Variants in VPS51 observed in about 807,000 individuals in gnomAD.
VPS51 encodes the protein vacuolar protein sorting-associated protein 51 homolog.
Under a neutral mutation model 65.1 loss-of-function variants are expected in VPS51, and 55 were observed. The observed-to-expected ratio is 0.84, with a 90% CI of 0.68 to 1.06. The LOEUF is 1.06. Ranked by LOEUF, VPS51 falls within the 50% of genes least tolerant of loss-of-function variation. The pLI, the probability that VPS51 is intolerant of heterozygous loss-of-function variation, is 0.00. For missense variants in VPS51, 943 were observed against 1,101.6 expected, an observed-to-expected ratio of 0.86 and a Z score of 2.04; for synonymous variants, 473 against 489.5, an observed-to-expected ratio of 0.97 and a Z score of 0.44.
chr11:65,096,893 G>T, intron 1 of VPS51, 105 bp from the exon 2 acceptor site: 1 of 1,499,570 alleles, frequency 6.7e-7, no homozygotes, highest in South Asian at 1.3e-5. Flanking sequence ...TTTGCGGGGT[G>T]GGTGGGGATC....
intron 6 of VPS51, 96 bp downstream of exon 6, chr11:65,109,591 T>C: frequency 6.5e-7 from 1 of 1,531,674 alleles, no homozygotes; most frequent in Non-Finnish European, 8.8e-7. Context: ...ACCAGCTGCC[T>C]GTGTGTACCC....
At chr11:65,099,218 AAG>A (rs919761905) in intron 2 of VPS51, among the ~76,000 whole-genome samples, 2 of 152,194 alleles carry the variant, frequency 1.3e-5, no homozygotes, top group Non-Finnish European at 2.9e-5. Flanking sequence ...TTGATTGGGC[AAG>A]AGAGAGAGAA....
At chr11:65,108,094 C>G in intron 4 of VPS51, 72 bp downstream of exon 4, 11 of 1,507,180 alleles carry the variant, frequency 7.3e-6, no homozygotes, top group Non-Finnish European at 9.7e-6. Flanking sequence ...CTCCTGGGCC[C>G]TCCTGGAGCT....
intron 2 of VPS51, among the ~76,000 whole-genome samples, chr11:65,106,002 G>T (rs1253125224): frequency 1.3e-5 from 2 of 152,250 alleles, no homozygotes; most frequent in Non-Finnish European, 2.9e-5. Context: ...CTGCACTCCA[G>T]CCTGGGTGAC....
At chr11:65,106,442 G>A (rs1439796314) in intron 2 of VPS51, among the ~76,000 whole-genome samples, 2 of 152,204 alleles carry the variant, frequency 1.3e-5, no homozygotes, top group Non-Finnish European at 2.9e-5. Context: ...GCGAAGCAGG[G>A]AGAGCCCCTT....
intron 1 of VPS51, 29 bp downstream of exon 1, chr11:65,096,507 C>CCGGGGGTGGGGGGGGGGGGG: frequency 2.8e-6 from 1 of 362,222 alleles, no homozygotes. Context: ...TGGGGGGGTG[C>CCGGGGGTGGGGGGGGGGGGG]GGGGAGGGGG....
chr11:65,096,608 G>C, intron 1 of VPS51, 130 bp downstream of exon 1: 1 of 836,046 alleles, frequency 1.2e-6, no homozygotes, highest in Non-Finnish European at 1.8e-6. Flanking sequence ...ATAAGAGGAC[G>C]AACCTCGGCC....
rs768672817 is a variant in VPS51 at position 65,109,941 on chromosome 11, C to T, written c.1878+18C>T. 159 of 1,573,472 alleles carry T rather than the reference C, an allele frequency of 1.0e-4. No homozygotes were observed. Among genetic ancestry groups the T allele is most frequent in the Non-Finnish European group, 1.3e-4 (149 of 1,163,778 alleles). ...ACGTGCAGGTGCTGCCCAGGCTGGC[C>T]GGGGTAGCCCTGACGCAGGCTGGGG... On this transcript the variant is annotated intron_variant, in intron 7 of 9. Transcript: ENST00000279281.
At position 65,111,095 on chromosome 11, in the gene VPS51, C is replaced by T. The variant is rs1590814686; in HGVS notation, c.2089-232C>T. 2.0e-5 allele frequency: 15 copies of T among 755,402 alleles called. No homozygotes were observed. The South Asian group carries it at 2.1e-4, about 10-fold the overall frequency. 46.8% of individuals were successfully genotyped at this position (755,402 alleles called of 1,614,324 possible). A position where few individuals can be genotyped will look rare whatever the true frequency, so the allele number is the denominator to read the frequency against. On this transcript the variant is annotated intron_variant, in intron 9 of 9. Transcript: ENST00000279281. Reference sequence around the variant, plus strand: ...GTTTTCTGTTCACCCATGGTCCCTGCCCCGCCTCACTCCAAGCTCAGGGAT... The same window carrying T: ...GTTTTCTGTTCACCCATGGTCCCTGTCCCGCCTCACTCCAAGCTCAGGGAT...
At position 65,107,954 on chromosome 11, in the gene VPS51, C is replaced by T. The variant is rs990076607; in HGVS notation, c.657C>T (p.Phe219=). 1.9e-6 allele frequency: 3 copies of T among 1,567,330 alleles called. No homozygotes were observed. Among genetic ancestry groups the T allele is most frequent in the Non-Finnish European group, 2.6e-6 (3 of 1,159,122 alleles). The change falls in exon 4 of 10, where the codon TTC becomes TTT. Residue 219 remains phenylalanine, a synonymous_variant. Coordinates refer to ENST00000279281, the MANE Select transcript of VPS51 (RefSeq NM_013265.4). This position sits in a 1 kb window ranked among gnomAD's most constrained non-coding sequence, Gnocchi z 4.0. ...AGCAGTACCAACACCTGCCCTCGTTCCGCGCCATCCAGGACGACTGCCAGG... is the reference window on the plus strand; with the variant it reads ...AGCAGTACCAACACCTGCCCTCGTTTCGCGCCATCCAGGACGACTGCCAGG... ...VLQQYQHLPS[F]RAIQDDCQVI... is the part of the protein sequence containing the mutation.
At chr11:65,097,297 A>C (rs1947777843) in intron 2 of VPS51, 170 bp downstream of exon 2, 2 of 978,700 alleles carry the variant, frequency 2.0e-6, no homozygotes, top group East Asian at 5.3e-5. Context: ...AGACTACTAT[A>C]GAGATAATAG....
chr11:65,104,354 T>C (rs1247726677), intron 2 of VPS51, among the ~76,000 whole-genome samples: 1 of 152,226 alleles, frequency 6.6e-6, no homozygotes, highest in East Asian at 1.9e-4. Context: ...GTAGATAACA[T>C]TGGCAATCAA....
At chr11:65,100,563 C>T (rs1283241993) in intron 2 of VPS51, among the ~76,000 whole-genome samples, 1 of 119,766 alleles carries the variant, frequency 8.3e-6, no homozygotes, top group Non-Finnish European at 1.6e-5. Flanking sequence ...TGGAGTCTAG[C>T]TCTGTCACCC....
In VPS51 at chr11:65,107,811, GC is replaced by G; in HGVS notation, c.515del (p.Ala172GlyfsTer113). 6.4e-7 allele frequency: 1 copy of G among 1,570,958 alleles called. No homozygotes were observed. Among genetic ancestry groups the G allele is most frequent in the Non-Finnish European group, 8.6e-7 (1 of 1,160,128 alleles). ...ERITKLAGVH[A>X]LLRKLQFLFE... ...CACCCTCCGTCCCCCAGGGGTCCAC[GC>G]GCTGCTGCGGAAGCTGCAGTTCCTC... On this transcript the variant is annotated frameshift_variant, in exon 4 of 10. Transcript: ENST00000279281. LOFTEE classifies it high-confidence loss of function. This position sits in a 1 kb window ranked among gnomAD's most constrained non-coding sequence, Gnocchi z 4.0.
At position 65,103,483 on chromosome 11, in the gene VPS51, C is replaced by G. The variant is rs148415030; in HGVS notation, c.359-4098C>G. Among the ~76,000 whole-genome samples, 375 of 152,258 alleles carry G rather than the reference C, an allele frequency of 2.5e-3. 1 individual carries two copies. Among genetic ancestry groups the G allele is most frequent in the Admixed American group, 6.2e-3 (95 of 15,290 alleles). On this transcript the variant is annotated intron_variant, in intron 2 of 9. Coordinates refer to ENST00000279281, the MANE Select transcript of VPS51 (RefSeq NM_013265.4). ...CTTTCCATGTAATTTTTTAAAAAAT[C>G]CCTTAATAGCTCTACAGATGTGAGC...
intron 7 of VPS51, 50 bp from the exon 8 acceptor site, chr11:65,110,429 CTGG>C (rs1947885832): frequency 6.2e-6 from 10 of 1,612,846 alleles, no homozygotes; most frequent in Non-Finnish European, 8.5e-6. Flanking sequence ...CACCGATGGG[CTGG>C]TGGTTTCCCC....
rs767324731 is a variant in VPS51 at position 65,111,489 on chromosome 11, T to C, written c.2251T>C (p.Leu751=). ...TGTGGCCGACGAAGAACTCGTGCACTTGCTGCTGGACGAAGTGGTGGCCTC... is the reference window on the plus strand; with the variant it reads ...TGTGGCCGACGAAGAACTCGTGCACCTGCTGCTGGACGAAGTGGTGGCCTC... The part of the protein sequence containing the change: ...RFVADEELVH[L]LLDEVVASAA... Residue 751 remains leucine (L), a synonymous_variant, in exon 10 of 10, where the codon TTG becomes CTG. Coordinates refer to ENST00000279281, the MANE Select transcript of VPS51 (RefSeq NM_013265.4). 1.2e-6 allele frequency: 2 copies of C among 1,613,900 alleles called. No individual in the cohort carries two copies. Among genetic ancestry groups the C allele is most frequent in the Admixed American group, 3.3e-5 (2 of 60,032 alleles).
Position 65,107,575 on chromosome 11 carries a change from T to C in VPS51, c.359-6T>C. 1 of 1,579,144 alleles carries C rather than the reference T, an allele frequency of 6.3e-7. No homozygotes were observed. Among genetic ancestry groups the C allele is most frequent in the Non-Finnish European group, 8.7e-7 (1 of 1,154,994 alleles). On this transcript the variant is annotated splice_polypyrimidine_tract_variant and splice_region_variant and intron_variant, in intron 2 of 9. Coordinates refer to ENST00000279281, the MANE Select transcript of VPS51 (RefSeq NM_013265.4). The surrounding 1 kb of genome is among the most constrained non-coding windows in gnomAD (Gnocchi z 4.0). ...TCTCCCCTTTTCCCCGCCCCTGCCC[T>C]CCTAGACACCATCCGGAAGATGAAG...
rs1424455587 is a variant in VPS51 at position 65,106,922 on chromosome 11, A to G, written c.359-659A>G. ...GAGGACAGTAGAGACAGCAAAGAGG[A>G]GGGTTGTGGCTTGATGGCATGGTCT... is the stretch of plus-strand genomic sequence containing the variant. On this transcript the variant is annotated intron_variant, in intron 2 of 9. Transcript: ENST00000279281. Among the ~76,000 whole-genome samples the G allele has an allele frequency of 2.0e-5, 3 of 151,876 alleles. No individual in the cohort carries two copies. In the East Asian group the frequency reaches 5.8e-4, roughly 29 times the overall value.
Sources: gnomAD v4.1 joint callset for allele counts (sites outside exome capture counted in the v4.1 genomes callset) on GRCh38, gnomAD v4.1.1 for gene constraint, Gnocchi (gnomAD v3.1) non-coding constraint, MANE v1.5 for transcripts, NCBI Gene and HGNC (gene_info 2026-07-23, HGNC 2026-07-21) for gene names.